Variants in EXOC4 observed in about 807,000 individuals in gnomAD.
EXOC4 encodes the protein exocyst complex component 4, also known as SEC8-like 1.
EXOC4 carries 71 observed loss-of-function variants against 107.2 expected under a neutral mutation model. That is an observed-to-expected ratio of 0.66 (90% CI 0.55 to 0.81). The LOEUF (loss-of-function observed/expected upper bound fraction) is 0.81. Among genes scored for constraint, EXOC4 ranks in the 30% least tolerant of loss-of-function variants. EXOC4 has a pLI of 0.00. For missense variants in EXOC4, 1,108 were observed against 1,189.6 expected (o/e 0.93, Z 1.01); for synonymous variants, 456 against 441.2 (o/e 1.03, Z -0.42).
intron 7 of EXOC4, among the ~76,000 whole-genome samples, chr7:133,419,850 T>A (rs1202773267): frequency 6.6e-6 from 1 of 151,990 alleles, no homozygotes; most frequent in East Asian, 1.9e-4. Context: ...GGGACAGGAG[T>A]CTGGGACGCT....
Position 133,581,497 on chromosome 7 carries a change from G to A in EXOC4, c.1418-48548G>A, listed in dbSNP as rs991926710. Among the ~76,000 whole-genome samples the A allele has an allele frequency of 3.9e-5, 6 of 152,052 alleles. No homozygotes were observed. In the East Asian group the frequency reaches 7.8e-4, roughly 20 times the overall value. On this transcript the variant is annotated intron_variant, in intron 9 of 17. Coordinates refer to ENST00000253861, the MANE Select transcript of EXOC4 (RefSeq NM_021807.4). ...CCTGAGGCCGGGCGCGGTGGCTCAC[G>A]CCTGTAATCCCAGCACTTTGGGAGG... is the stretch of plus-strand genomic sequence containing the variant.
At chr7:133,370,036 G>C (rs543006996) in intron 6 of EXOC4, among the ~76,000 whole-genome samples, 2 of 151,968 alleles carry the variant, frequency 1.3e-5, no homozygotes, top group South Asian at 4.1e-4. Flanking sequence ...CAGGTGATCC[G>C]CCACCTCGGC....
intron 11 of EXOC4, among the ~76,000 whole-genome samples, chr7:133,845,161 T>G (rs1296621218): frequency 6.6e-6 from 1 of 152,040 alleles, no homozygotes; most frequent in Admixed American, 6.6e-5. Context: ...CTACTCTGAC[T>G]AGGTAGACAT....
At chr7:134,034,180 A>C (rs926448761) in intron 17 of EXOC4, among the ~76,000 whole-genome samples, 2 of 152,192 alleles carry the variant, frequency 1.3e-5, no homozygotes, top group African/African-American at 2.4e-5. Flanking sequence ...TTCTGGAGAA[A>C]GTTCTCTGGG....
intron 11 of EXOC4, among the ~76,000 whole-genome samples, chr7:133,831,623 G>T (rs1797813428): frequency 6.7e-6 from 1 of 149,336 alleles, no homozygotes; most frequent in Non-Finnish European, 1.5e-5. Context: ...GGCTCATCTT[G>T]TATATTGCCT....
At chr7:133,456,377 G>T (rs1207776016) in intron 7 of EXOC4, among the ~76,000 whole-genome samples, 3 of 152,164 alleles carry the variant, frequency 2.0e-5, no homozygotes, top group African/African-American at 7.2e-5. Context: ...CTGTGTGAAA[G>T]TGCCACAGTA....
chr7:134,038,325 T>C (rs1319993428), intron 17 of EXOC4, among the ~76,000 whole-genome samples: 1 of 152,212 alleles, frequency 6.6e-6, no homozygotes, highest in Non-Finnish European at 1.5e-5. Context: ...TTTCAGTCTT[T>C]ATGAATTCCT....
intron 10 of EXOC4, among the ~76,000 whole-genome samples, chr7:133,788,388 AT>A (rs908175714): frequency 1.3e-4 from 20 of 149,790 alleles, no homozygotes; most frequent in East Asian, 5.9e-4. Flanking sequence ...AAACTCATGA[AT>A]TTTTTTTTTC....
chr7:133,829,170 C>T (rs185855395), intron 11 of EXOC4, among the ~76,000 whole-genome samples: 1 of 152,188 alleles, frequency 6.6e-6, no homozygotes, highest in East Asian at 1.9e-4. Context: ...GTTCTTGAGA[C>T]AGTGAGAGTC....
At chr7:133,661,607 C>T (rs541365288) in intron 10 of EXOC4, among the ~76,000 whole-genome samples, 1 of 135,610 alleles carries the variant, frequency 7.4e-6, no homozygotes, top group East Asian at 2.3e-4. Context: ...CCTTTTGTCT[C>T]TGTATGGAGG....
At position 133,631,726 on chromosome 7, in the gene EXOC4, A is replaced by G. The variant is rs17167180; in HGVS notation, c.1514+1585A>G. 8.7e-3 allele frequency among the ~76,000 whole-genome samples: 1,326 copies of G among 152,198 alleles called. 65 individuals carry two copies. In the East Asian group the frequency reaches 0.15, roughly 17 times the overall value. On this transcript the variant is annotated intron_variant, in intron 10 of 17. Coordinates refer to ENST00000253861, the MANE Select transcript of EXOC4 (RefSeq NM_021807.4). The stretch of plus-strand genomic sequence containing the variant: ...ACTATATGTATATAATAAGTAAATT[A>G]TAACATACAGAATTATAGATTAAAT...
chr7:133,540,870 G>T (rs1313013593), intron 9 of EXOC4, among the ~76,000 whole-genome samples: 1 of 152,014 alleles, frequency 6.6e-6, no homozygotes, highest in African/African-American at 2.4e-5. Context: ...AAAAAATTTT[G>T]TTTTGAAATT....
chr7:133,294,916 G>T (rs1193015707), intron 3 of EXOC4, among the ~76,000 whole-genome samples: 2 of 152,080 alleles, frequency 1.3e-5, no homozygotes, highest in Non-Finnish European at 2.9e-5. Context: ...TTAGTAGCTG[G>T]ATGACTTATG....
At position 133,878,053 on chromosome 7, in the gene EXOC4, C is replaced by T. The variant is rs115446630; in HGVS notation, c.1735-17546C>T. ...TCTGGTTTTCTAATTGCTTAAGGCA[C>T]GATTTCAAGCTATTTTATACTGAAA... On this transcript the variant is annotated intron_variant, in intron 11 of 17. Transcript: ENST00000253861. Among the ~76,000 whole-genome samples, 1,084 of 152,258 alleles carry T rather than the reference C, an allele frequency of 7.1e-3. 21 individuals are homozygous for T. The highest frequency in any genetic ancestry group is 0.025 in the African/African-American group (1,026 of 41,534).
At chr7:133,400,050 C>T (rs1464555660) in intron 7 of EXOC4, among the ~76,000 whole-genome samples, 1 of 152,152 alleles carries the variant, frequency 6.6e-6, no homozygotes, top group Non-Finnish European at 1.5e-5. Context: ...CTTTTATATG[C>T]ATTTTGAATT....
At chr7:133,898,109 A>G (rs1202078475) in intron 12 of EXOC4, among the ~76,000 whole-genome samples, 1 of 151,772 alleles carries the variant, frequency 6.6e-6, no homozygotes, top group African/African-American at 2.4e-5. Context: ...AAATCATGCA[A>G]TATTTGTCTT....
intron 10 of EXOC4, among the ~76,000 whole-genome samples, chr7:133,647,459 T>C (rs895035461): frequency 3.3e-5 from 5 of 152,118 alleles, no homozygotes; most frequent in African/African-American, 1.2e-4. Context: ...TAGGAAATAG[T>C]ATCACCCCCG....
rs1303353677 is a variant in EXOC4, at chr7:133,374,917, CTG to C, written c.1099_1100del (p.Val367SerfsTer14). 6.2e-7 allele frequency: 1 copy of C among 1,613,862 alleles called. No individual in the cohort carries two copies. Among genetic ancestry groups the C allele is most frequent in the Non-Finnish European group, 8.5e-7 (1 of 1,179,788 alleles). ...GTGGTCCTGGGATACCTGCAGGACA[CTG>C]TAGTGACTCCACTGACTCAGCAGGA... On this transcript the variant is annotated frameshift_variant, in exon 7 of 18. Coordinates refer to ENST00000253861, the MANE Select transcript of EXOC4 (RefSeq NM_021807.4). LOFTEE classifies it high-confidence loss of function.
At position 133,817,434 on chromosome 7, in the gene EXOC4, G is replaced by C; in HGVS notation, c.1624G>C (p.Ala542Pro). The change falls in exon 11 of 18, where the codon GCT (alanine) becomes CCT (proline). Residue 542 changes from alanine (A) to proline (P), a missense_variant. Coordinates refer to ENST00000253861, the MANE Select transcript of EXOC4 (RefSeq NM_021807.4). ...AAACATCTTTCTCAATCAAGTCTTGGCTGAGATCAACAAGGAGATTGAAGG... is the reference window on the plus strand; with the variant it reads ...AAACATCTTTCTCAATCAAGTCTTGCCTGAGATCAACAAGGAGATTGAAGG... ...IKNIFLNQVL[A>P]EINKEIEGVT... The C allele has an allele frequency of 6.2e-7, 1 of 1,613,884 alleles. No individual in the cohort carries two copies. Among genetic ancestry groups the C allele is most frequent in the Non-Finnish European group, 8.5e-7 (1 of 1,179,830 alleles).
Sources: allele counts gnomAD v4.1 joint callset (sites outside exome capture counted in the v4.1 genomes callset), GRCh38; gene constraint gnomAD v4.1.1; transcripts MANE v1.5; gene names NCBI Gene and HGNC (gene_info 2026-07-23, HGNC 2026-07-21).